The following NBPF11 variants were observed in gnomAD, a reference collection of about 807,000 sequenced individuals.
The protein encoded by NBPF11 is NBPF family member NBPF11.
Under a neutral mutation model 93.9 loss-of-function variants are expected in NBPF11, and 72 were observed. The observed-to-expected ratio is 0.77, with a 90% CI of 0.63 to 0.93. The LOEUF (loss-of-function observed/expected upper bound fraction) is 0.93, where lower values mean the gene tolerates loss of function less well. NBPF11 is among the 40% of genes least tolerant of loss of function. NBPF11 has a pLI of 0.00. For synonymous variants in NBPF11, 224 were observed against 304.9 expected (o/e 0.73, Z 2.76); for missense variants, 705 against 802.2 (o/e 0.88, Z 1.46).
intron 2 of NBPF11, among the ~76,000 whole-genome samples, chr1:148,140,268 T>C (rs1395083940): frequency 0.012 from 1,755 of 152,032 alleles, 64 homozygotes; most frequent in African/African-American, 0.041. Flanking sequence ...TGTTATATCC[T>C]TTATAAAATA....
intron 1 of NBPF11, among the ~76,000 whole-genome samples, chr1:148,145,955 G>GA (rs1553276739): frequency 6.6e-6 from 1 of 152,010 alleles, no homozygotes. Flanking sequence ...GCTGCAGATT[G>GA]AAAAAAGAGA....
chr1:148,149,188 C>T, intron 1 of NBPF11: 1 of 1,581,016 alleles, frequency 6.3e-7, no homozygotes, highest in South Asian at 1.1e-5. Flanking sequence ...ACAGCATCAT[C>T]CTGTACGGGC....
intron 10 of NBPF11, 75 bp downstream of exon 10, chr1:148,120,426 G>A (rs1359462828): frequency 2.5e-6 from 2 of 792,008 alleles, no homozygotes; most frequent in Non-Finnish European, 4.6e-6. Context: ...TTTTGATGGA[G>A]AGAGCACTTA....
At position 148,106,780 on chromosome 1, in the gene NBPF11, C is replaced by T. The variant is rs1431264311; in HGVS notation, c.2251+162G>A. ...CTCACTGACCCATTTCATGTCTAGG[C>T]TTCCAGCTGAGACTACAGTTTCATT... On this transcript the variant is annotated intron_variant, in intron 20 of 23. Transcript: ENST00000682118. Among the ~76,000 whole-genome samples the T allele has an allele frequency of 3.4e-5, 5 of 148,138 alleles. No homozygotes were observed. The South Asian group carries it at 8.4e-4, about 25-fold the overall frequency.
At chr1:148,124,720 G>A (rs1668678485) in intron 6 of NBPF11, among the ~76,000 whole-genome samples, 179 bp downstream of exon 6, 1 of 152,078 alleles carries the variant, frequency 6.6e-6, no homozygotes, top group Non-Finnish European at 1.5e-5. Context: ...AGAAACAACT[G>A]CAACACAGAA....
At chr1:148,138,769 C>T (rs1438738445) in intron 2 of NBPF11, among the ~76,000 whole-genome samples, 1 of 151,812 alleles carries the variant, frequency 6.6e-6, no homozygotes, top group Non-Finnish European at 1.5e-5. Context: ...CCTACACAGA[C>T]ACAGTAACAA....
chr1:148,133,978 C>A (rs1670855024), intron 4 of NBPF11, among the ~76,000 whole-genome samples: 2 of 151,876 alleles, frequency 1.3e-5, no homozygotes, highest in South Asian at 4.2e-4. Context: ...GGAAATCCCT[C>A]CCGCCTTGTC....
intron 4 of NBPF11, among the ~76,000 whole-genome samples, chr1:148,127,944 C>T (rs1162366425): frequency 8.6e-5 from 13 of 151,620 alleles, no homozygotes; most frequent in African/African-American, 2.9e-4. Flanking sequence ...CGTGAGCCAC[C>T]GCACACGGCC....
intron 5 of NBPF11, among the ~76,000 whole-genome samples, chr1:148,126,045 T>G (rs1188202636): frequency 4.6e-5 from 7 of 151,966 alleles, no homozygotes; most frequent in African/African-American, 1.5e-4. Context: ...CTGTCACCCA[T>G]GCTGGAGTGC....
Position 148,109,389 on chromosome 1 carries a change from C to T in NBPF11, c.1802-54G>A, listed in dbSNP as rs1308783483. 7.8e-6 allele frequency: 7 copies of T among 902,836 alleles called. No individual in the cohort carries two copies. In the East Asian group the frequency reaches 1.2e-4, roughly 15 times the overall value. 55.9% of individuals were successfully genotyped at this position (902,836 alleles called of 1,614,324 possible). On this transcript the variant is annotated intron_variant, in intron 16 of 23. Transcript: ENST00000682118. ...ACATTAAGCAGTTCTTCCTTGCACA[C>T]AGAAACATTCCTCTGTCCAATCCTA...
rs1228042187 is a variant in NBPF11 at position 148,105,517 on chromosome 1, T to A, written c.2315A>T (p.Glu772Val). 118 of 920,342 alleles carry A rather than the reference T, an allele frequency of 1.3e-4. 12 individuals are homozygous for A. The highest frequency in any genetic ancestry group is 2.4e-4 in the Admixed American group (13 of 53,756). 57.0% of individuals were successfully genotyped at this position (920,342 alleles called of 1,614,324 possible). Residue 772 changes from glutamate (E) to valine (V), a missense_variant, in exon 22 of 24, where the codon GAG becomes GTG. Around this residue, in one of 12 missense-constraint regions of NBPF11, gnomAD observed 109 missense variants for 83.3 expected, o/e 1.31. Transcript: ENST00000682118. ...TTCAGGCTCTACTACCTCCAGCAGC[T>A]CCCTGCTGAGCCTGGAAAAGGAGGA... is the stretch of plus-strand genomic sequence containing the variant. ...QGPPCPRLSRELLEVVEPEVL... is the reference protein window; with the variant it reads ...QGPPCPRLSRVLLEVVEPEVL...
rs1464436890 is a variant in NBPF11 at position 148,106,823 on chromosome 1, A to G, written c.2251+119T>C. The G allele has an allele frequency of 9.7e-4, 742 of 764,968 alleles. 46 individuals carry two copies. The East Asian group carries it at 0.019, about 20-fold the overall frequency. The allele number at this position is 764,968 out of a possible 1,614,324, so 47.4% of individuals were successfully genotyped here. On this transcript the variant is annotated intron_variant, in intron 20 of 23. Coordinates refer to ENST00000682118, the MANE Select transcript of NBPF11 (RefSeq NM_001385469.3). ...GTTTCATTACAACCTATATGCACCC[A>G]TAGGTCCTGCCTGTGGCAATGAAGT... is the stretch of plus-strand genomic sequence containing the variant.
At chr1:148,121,368 G>A (rs1270994322) in intron 9 of NBPF11, among the ~76,000 whole-genome samples, 3 of 104,974 alleles carry the variant, frequency 2.9e-5, no homozygotes, top group Non-Finnish European at 6.0e-5. Context: ...TTTTTTTTGA[G>A]ATGCAGTCTC....
intron 4 of NBPF11, among the ~76,000 whole-genome samples, chr1:148,127,832 AT>A (rs1470291330): frequency 1.5e-5 from 2 of 136,416 alleles, no homozygotes; most frequent in East Asian, 4.2e-4. Context: ...TTTTTTTTGT[AT>A]TTTTAGTAGA....
chr1:148,138,965 C>T (rs1278115607), intron 2 of NBPF11, among the ~76,000 whole-genome samples: 1 of 151,148 alleles, frequency 6.6e-6, no homozygotes, highest in Non-Finnish European at 1.5e-5. Context: ...GTGGCAGGCG[C>T]CTGTAATCCC....
intron 1 of NBPF11, among the ~76,000 whole-genome samples, chr1:148,148,237 GA>G (rs1433874848): frequency 5.3e-5 from 8 of 152,252 alleles, no homozygotes; most frequent in Non-Finnish European, 8.8e-5. Flanking sequence ...CAGGGACGGG[GA>G]CAGCCCTGCT....
At chr1:148,140,908 G>A (rs1369553890) in intron 2 of NBPF11, among the ~76,000 whole-genome samples, 77 of 151,962 alleles carry the variant, frequency 5.1e-4, no homozygotes, top group Admixed American at 1.9e-3. Context: ...TACCCAAGAC[G>A]TCTTTCACCA....
chr1:148,136,132 A>T (rs1357454334), intron 3 of NBPF11, among the ~76,000 whole-genome samples: 4 of 152,048 alleles, frequency 2.6e-5, no homozygotes, highest in Non-Finnish European at 5.9e-5. Context: ...GTTGGAATGT[A>T]CAATAGTATA....
At chr1:148,138,897 C>A (rs1671762333) in intron 2 of NBPF11, among the ~76,000 whole-genome samples, 1 of 151,624 alleles carries the variant, frequency 6.6e-6, no homozygotes, top group African/African-American at 2.4e-5. Flanking sequence ...TAGAGACCAA[C>A]CTGGCCAACA....
Sources: allele counts gnomAD v4.1 joint callset (sites outside exome capture counted in the v4.1 genomes callset), GRCh38; gene constraint gnomAD v4.1.1; regional missense constraint gnomAD v4.1.1; transcripts MANE v1.5; gene names NCBI Gene and HGNC (gene_info 2026-07-23, HGNC 2026-07-21).